TRIM60: variants seen among roughly 807,000 people sequenced by gnomAD.
TRIM60 encodes tripartite motif-containing protein 60.
For missense variants in TRIM60, 524 were observed against 540.8 expected (o/e 0.97, Z 0.31); for synonymous variants, 189 against 195.2 (o/e 0.97, Z 0.27).
chr4:165,041,091 T>C lies in TRIM60; in HGVS notation c.1019T>C (p.Leu340Pro), dbSNP rs1225695250. 6.2e-7 allele frequency: 1 copy of C among 1,614,238 alleles called. No individual in the cohort carries two copies. The highest frequency in any genetic ancestry group is 2.2e-5 in the East Asian group (1 of 44,886). ...AGATTTTATGTCTGCCCTGCTGTCC[T>C]AGGCTCTCAGAGATTTAGTTCTGGC... ...PRRFYVCPAV[L>P]GSQRFSSGRH... The change falls in exon 3 of 3, where the codon CTA becomes CCA. Residue 340 changes from leucine (L) to proline (P), a missense_variant. Coordinates refer to ENST00000512596, the MANE Select transcript of TRIM60 (RefSeq NM_152620.3).
rs748080215 is a variant in TRIM60 at position 165,040,645 on chromosome 4, A to T, written c.573A>T (p.Arg191Ser). ...EEINSEFEQI[R>S]LFLQNEQEMI... ...TAAATTCTGAGTTTGAGCAAATAAG[A>T]TTGTTTTTACAGAATGAACAAGAGA... The change falls in exon 3 of 3, where the codon AGA (arginine) becomes AGT (serine). Residue 191 changes from arginine (R) to serine (S), a missense_variant. Arg to Ser is a moderately radical substitution (Grantham distance 110, BLOSUM62 -1). Coordinates refer to ENST00000512596, the MANE Select transcript of TRIM60 (RefSeq NM_152620.3). 7.4e-6 allele frequency: 12 copies of T among 1,614,082 alleles called. No individual in the cohort carries two copies. The highest frequency in any genetic ancestry group is 1.0e-5 in the Non-Finnish European group (12 of 1,179,982).
rs750643032 is a variant in TRIM60 at position 165,040,342 on chromosome 4, G to A, written c.270G>A (p.Arg90=). ...QLQIRRSKRK[R]QKENAMCEKH... ...AGATTAGGAGGAGCAAGAGAAAGAGGCAGAAAGAGAATGCCATGTGTGAAA... is the reference window on the plus strand; with the variant it reads ...AGATTAGGAGGAGCAAGAGAAAGAGACAGAAAGAGAATGCCATGTGTGAAA... The change falls in exon 3 of 3, where the codon AGG becomes AGA. Residue 90 remains arginine, a synonymous_variant. Transcript: ENST00000512596. 1.6e-5 allele frequency: 26 copies of A among 1,614,182 alleles called. No individual in the cohort carries two copies. The highest frequency in any genetic ancestry group is 2.2e-5 in the Non-Finnish European group (26 of 1,180,046).
chr4:165,036,591 G>A (rs1039577299), intron 1 of TRIM60, among the ~76,000 whole-genome samples: 7 of 152,054 alleles, frequency 4.6e-5, no homozygotes, highest in East Asian at 1.9e-4. Flanking sequence ...TGCTTAGGCC[G>A]GGCGTGGTGG....
intron 1 of TRIM60, among the ~76,000 whole-genome samples, chr4:165,037,150 G>A (rs568285226): frequency 6.6e-6 from 1 of 151,902 alleles, no homozygotes; most frequent in South Asian, 2.1e-4. Flanking sequence ...GCAGTGAGCC[G>A]AGACTGCACC....
At chr4:165,036,106 CAA>C (rs1340095694) in intron 1 of TRIM60, among the ~76,000 whole-genome samples, 3 of 152,174 alleles carry the variant, frequency 2.0e-5, no homozygotes, top group Non-Finnish European at 4.4e-5. Context: ...AGTTGCCAGA[CAA>C]GAGCCAAGTA....
chr4:165,040,376 C>G lies in TRIM60; in HGVS notation c.304C>G (p.Gln102Glu). ...GAATGCCATGTGTGAAAAACACAAC[C>G]AGTTTCTGACCCTCTTCTGTGTTAA... ...KENAMCEKHN[Q>E]FLTLFCVKDL... Residue 102 changes from glutamine to glutamate, a missense_variant, in exon 3 of 3, where the codon CAG (glutamine) becomes GAG (glutamate). By Grantham distance (29) the Gln-to-Glu change is conservative (BLOSUM62 2). Coordinates refer to ENST00000512596, the MANE Select transcript of TRIM60 (RefSeq NM_152620.3). 2.5e-6 allele frequency: 4 copies of G among 1,614,142 alleles called. No homozygotes were observed. Among genetic ancestry groups the G allele is most frequent in the Non-Finnish European group, 3.4e-6 (4 of 1,180,020 alleles).
chr4:165,036,685 A>T (rs1390955013), intron 1 of TRIM60, among the ~76,000 whole-genome samples: 1 of 152,154 alleles, frequency 6.6e-6, no homozygotes, highest in Non-Finnish European at 1.5e-5. Context: ...GTTCAAGACC[A>T]GCCCAGCCAA....
chr4:165,032,330 C>T (rs1379638463), intron 1 of TRIM60, among the ~76,000 whole-genome samples: 1 of 152,212 alleles, frequency 6.6e-6, no homozygotes, highest in Admixed American at 6.5e-5. Flanking sequence ...CTCACTGCAA[C>T]CTCCGCCTCC....
rs139386987 is a variant in TRIM60, at chr4:165,040,836, T to C, written c.764T>C (p.Met255Thr). 5.0e-6 allele frequency: 8 copies of C among 1,613,982 alleles called. No homozygotes were observed. The East Asian group carries it at 1.8e-4, about 36-fold the overall frequency. The change falls in exon 3 of 3, where the codon ATG becomes ACG. Residue 255 changes from methionine (M) to threonine (T), a missense_variant. Coordinates refer to ENST00000512596, the MANE Select transcript of TRIM60 (RefSeq NM_152620.3). ...GAATTACTGACACAAGCTAAGAGTA[T>C]GCACCACAAGTATCAAAACCTAAAA... ...NLELLTQAKS[M>T]HHKYQNLKCP... is the part of the protein sequence containing the mutation.
Position 165,034,289 on chromosome 4 carries a change from G to A in TRIM60, c.-57+2177G>A, listed in dbSNP as rs1021141105. 2.6e-5 allele frequency among the ~76,000 whole-genome samples: 4 copies of A among 151,942 alleles called. No homozygotes were observed. The South Asian group carries it at 6.2e-4, about 24-fold the overall frequency. On this transcript the variant is annotated intron_variant, in intron 1 of 2. Coordinates refer to ENST00000512596, the MANE Select transcript of TRIM60 (RefSeq NM_152620.3). ...TGCCCCAGCCTTTCTGAGGAGCTGG[G>A]ATTACAGGCGCACGCCACTACACCT...
In TRIM60 at chr4:165,041,380, T is replaced by C. The variant is rs777624782; in HGVS notation, c.1308T>C (p.Ile436=). The C allele has an allele frequency of 1.2e-6, 2 of 1,613,944 alleles. No individual in the cohort carries two copies. The highest frequency in any genetic ancestry group is 2.2e-5 in the South Asian group (2 of 91,076). Reference sequence around the variant, plus strand: ...TTTATAATATGAATGATAGGTCTATTCTCTATACTTTTAACGATTGTTTCA... The same window carrying C: ...TTTATAATATGAATGATAGGTCTATCCTCTATACTTTTAACGATTGTTTCA... ...LSFYNMNDRS[I]LYTFNDCFTE... is the part of the protein sequence containing the mutation. Residue 436 remains isoleucine (I), a synonymous_variant, in exon 3 of 3, where the codon ATT becomes ATC. Coordinates refer to ENST00000512596, the MANE Select transcript of TRIM60 (RefSeq NM_152620.3).
At chr4:165,032,897 A>G (rs2111205095) in intron 1 of TRIM60, among the ~76,000 whole-genome samples, 1 of 152,254 alleles carries the variant, frequency 6.6e-6, no homozygotes, top group Middle Eastern at 3.4e-3. Context: ...CACAAGAATC[A>G]GAGTAGGAGC....
At position 165,038,090 on chromosome 4, in the gene TRIM60, T is replaced by C. The variant is rs566538395; in HGVS notation, c.-56-1111T>C. On this transcript the variant is annotated intron_variant, in intron 1 of 2. Coordinates refer to ENST00000512596, the MANE Select transcript of TRIM60 (RefSeq NM_152620.3). ...GAGGGTGGGGTGGGAGGCAGTCAGA[T>C]TGATGAGCAGCAGATAGGATTTGTG... 2.0e-5 allele frequency among the ~76,000 whole-genome samples: 3 copies of C among 152,148 alleles called. No homozygotes were observed. The East Asian group carries it at 5.8e-4, about 29-fold the overall frequency.
At chr4:165,038,606 A>G (rs1230717394) in intron 1 of TRIM60, among the ~76,000 whole-genome samples, 2 of 141,552 alleles carry the variant, frequency 1.4e-5, no homozygotes, top group Non-Finnish European at 3.0e-5. Context: ...ATACCACTGC[A>G]CTCTAGCTTG....
rs577823225 is a variant in TRIM60 at position 165,038,802 on chromosome 4, G to A, written c.-56-399G>A. Among the ~76,000 whole-genome samples, 79 of 151,406 alleles carry A rather than the reference G, an allele frequency of 5.2e-4. 1 individual carries two copies. Among genetic ancestry groups the A allele is most frequent in the Admixed American group, 1.2e-3 (18 of 15,188 alleles). ...TAGTTTTATATTATAGGCCAGGTGC[G>A]GTGGCTCACACCTGTAATTCCAGCA... On this transcript the variant is annotated intron_variant, in intron 1 of 2. Coordinates refer to ENST00000512596, the MANE Select transcript of TRIM60 (RefSeq NM_152620.3).
rs753820780 is a variant in TRIM60, at chr4:165,040,525, G to A, written c.453G>A (p.Leu151=). The A allele has an allele frequency of 1.9e-6, 3 of 1,614,052 alleles. No individual in the cohort carries two copies. The highest frequency in any genetic ancestry group is 2.5e-6 in the Non-Finnish European group (3 of 1,180,016). The change falls in exon 3 of 3, where the codon TTG becomes TTA. Residue 151 remains leucine, a synonymous_variant. Coordinates refer to ENST00000512596, the MANE Select transcript of TRIM60 (RefSeq NM_152620.3). ...TTCTAGAAGGTAGCCTTGAGCCCTT[G>A]AGGAATAATATAGAACGAGTTGAAA... is the stretch of plus-strand genomic sequence containing the variant. ...REILEGSLEP[L]RNNIERVEKV... is the part of the protein sequence containing the mutation.
At chr4:165,034,222 G>A (rs906193024) in intron 1 of TRIM60, among the ~76,000 whole-genome samples, 5 of 150,874 alleles carry the variant, frequency 3.3e-5, no homozygotes, top group African/African-American at 9.8e-5. Flanking sequence ...GCGTGATCTC[G>A]GCTCACTGCA....
At chr4:165,037,446 C>T (rs973282336) in intron 1 of TRIM60, among the ~76,000 whole-genome samples, 1 of 151,946 alleles carries the variant, frequency 6.6e-6, no homozygotes, top group African/African-American at 2.4e-5. Flanking sequence ...GCCTCAGTCT[C>T]CTGAGTAGCT....
intron 1 of TRIM60, among the ~76,000 whole-genome samples, chr4:165,038,241 C>T (rs1733667511): frequency 6.6e-6 from 1 of 152,150 alleles, no homozygotes; most frequent in African/African-American, 2.4e-5. Context: ...TTAGGAAATT[C>T]AGGAAGCCTA....
Sources: allele counts gnomAD v4.1 joint callset (sites outside exome capture counted in the v4.1 genomes callset), GRCh38; gene constraint gnomAD v4.1.1; transcripts MANE v1.5; gene names NCBI Gene and HGNC (gene_info 2026-07-23, HGNC 2026-07-21).